Variants in KIF21B observed in about 807,000 individuals in gnomAD.
KIF21B encodes kinesin family member 21B.
Under a neutral mutation model 192.9 loss-of-function variants are expected in KIF21B, and 85 were observed. The ratio of observed to expected loss-of-function variants is 0.44; its 90% CI spans 0.37 to 0.53. KIF21B has a LOEUF of 0.53. Among genes scored for constraint, KIF21B ranks in the 20% least tolerant of loss-of-function variants. KIF21B has a pLI of 0.00. For missense variants in KIF21B, 1,716 were observed against 2,194.8 expected, an observed-to-expected ratio of 0.78 and a Z score of 4.36; for synonymous variants, 832 against 884.6, an observed-to-expected ratio of 0.94 and a Z score of 1.05.
At position 200,996,222 on chromosome 1, in the gene KIF21B, C is replaced by T. The variant is rs762441448; in HGVS notation, c.2251G>A (p.Glu751Lys). The stretch of plus-strand genomic sequence containing the variant: ...TTGGCCTTCTTCATCTCAGCCACCT[C>T]GGCCTGTAGCTTCTTCAGCTCCCTC... ...YERELKKLQA[E>K]VAEMKKAKVA... The change falls in exon 15 of 35, where the codon GAG becomes AAG. Residue 751 changes from glutamate (E) to lysine (K), a missense_variant. Around this residue, in one of 3 missense-constraint regions of KIF21B, gnomAD observed 1,087 missense variants for 1,316.6 expected, o/e 0.83. Coordinates refer to ENST00000461742, the MANE Select transcript of KIF21B (RefSeq NM_001252102.2). 9 of 1,613,502 alleles carry T rather than the reference C, an allele frequency of 5.6e-6. No homozygotes were observed. The highest frequency in any genetic ancestry group is 7.6e-6 in the Non-Finnish European group (9 of 1,180,028).
At chr1:200,974,304 C>G (rs1366878062) in intron 34 of KIF21B, 1 of 1,305,978 alleles carries the variant, frequency 7.7e-7, no homozygotes, top group Admixed American at 2.7e-5. Flanking sequence ...TGAGTCGCAC[C>G]CCATGGGACA....
chr1:200,990,776 C>A lies in KIF21B; in HGVS notation c.2688-53G>T. 1.2e-6 allele frequency: 2 copies of A among 1,604,102 alleles called. No homozygotes were observed. The highest frequency in any genetic ancestry group is 1.7e-6 in the Non-Finnish European group (2 of 1,173,234). On this transcript the variant is annotated intron_variant, in intron 18 of 34. Coordinates refer to ENST00000461742, the MANE Select transcript of KIF21B (RefSeq NM_001252102.2). This position sits in a 1 kb window ranked among gnomAD's most constrained non-coding sequence, Gnocchi z 5.4. ...ATGGGACTCCTTTTAACCTCTGCAG[C>A]TCCACTGAGCCCCCATCTGGAGCTG...
intron 3 of KIF21B, among the ~76,000 whole-genome samples, chr1:201,006,614 G>T (rs998114052): frequency 6.6e-6 from 1 of 152,148 alleles, no homozygotes; most frequent in Non-Finnish European, 1.5e-5. Flanking sequence ...CTGTGTTGGG[G>T]TAGACACACA....
intron 1 of KIF21B, among the ~76,000 whole-genome samples, chr1:201,009,925 C>T (rs1658133647): frequency 6.6e-6 from 1 of 152,198 alleles, no homozygotes; most frequent in Non-Finnish European, 1.5e-5. Context: ...CTGATTGGAC[C>T]AGAAGCCCTA....
At chr1:201,020,927 C>T (rs1432251403) in intron 1 of KIF21B, among the ~76,000 whole-genome samples, 1 of 152,048 alleles carries the variant, frequency 6.6e-6, no homozygotes, top group African/African-American at 2.4e-5. Flanking sequence ...CATGGAAATT[C>T]AGAAGGCACT....
In KIF21B at chr1:201,009,470, C is replaced by T. The variant is rs1167121788; in HGVS notation, c.60G>A (p.Ser20=). Residue 20 remains serine, a synonymous_variant, in exon 2 of 35, where the codon TCG becomes TCA. Coordinates refer to ENST00000461742, the MANE Select transcript of KIF21B (RefSeq NM_001252102.2). The part of the protein sequence containing the change: ...KVAVRIRPQL[S]KEKIEGCHIC... ...TGTGACAGCCCTCAATCTTCTCCTT[C>T]GACAGCTGGGGCCGGATCCTGCCCA... The T allele has an allele frequency of 1.2e-5, 19 of 1,614,000 alleles. No homozygotes were observed. The highest frequency in any genetic ancestry group is 3.3e-5 in the Admixed American group (2 of 60,008).
intron 22 of KIF21B, 38 bp from the exon 23 acceptor site, chr1:200,988,582 G>A (rs765685398): frequency 4.9e-5 from 74 of 1,525,228 alleles, no homozygotes; most frequent in Non-Finnish European, 5.7e-5. Flanking sequence ...GGGTTGAGAA[G>A]CCCTGTCCAA....
Position 200,971,839 on chromosome 1 carries a change from C to G in KIF21B, c.*1682G>C, listed in dbSNP as rs952242960. ...AGGCCTCACTCAGCCTCCACTGGAG[C>G]CTGCCTCCCCCCAACACTGGGCGCC... On this transcript the variant is annotated 3_prime_UTR_variant, in exon 35 of 35. Coordinates refer to ENST00000461742, the MANE Select transcript of KIF21B (RefSeq NM_001252102.2). 1.3e-5 allele frequency: 2 copies of G among 152,454 alleles called. No homozygotes were observed. Among genetic ancestry groups the G allele is most frequent in the African/African-American group, 4.8e-5 (2 of 41,470 alleles). 9.4% of individuals were successfully genotyped at this position (152,454 alleles called of 1,614,324 possible).
At position 200,975,744 on chromosome 1, in the gene KIF21B, G is replaced by C; in HGVS notation, c.4444-75C>G. On this transcript the variant is annotated intron_variant, in intron 32 of 34. Coordinates refer to ENST00000461742, the MANE Select transcript of KIF21B (RefSeq NM_001252102.2). This position sits in a 1 kb window ranked among gnomAD's most constrained non-coding sequence, Gnocchi z 4.3. ...CAGGGCCTACAGCACTGTGGACCCA[G>C]AGGCCTGAAGACCCAGGAGTCTGGC... 1 of 1,420,990 alleles carries C rather than the reference G, an allele frequency of 7.0e-7. No homozygotes were observed. The highest frequency in any genetic ancestry group is 2.2e-5 in the Admixed American group (1 of 44,748). The allele number at this position is 1,420,990 out of a possible 1,614,324, so 88.0% of individuals were successfully genotyped here.
chr1:200,988,707 G>A lies in KIF21B; in HGVS notation c.3298+59C>T, dbSNP rs1571927531. ...GGAAGTGAGGGCCTTGTGGGGGTCT[G>A]AGCCCAAGAGCACTGGAATGCCAAG... is the stretch of plus-strand genomic sequence containing the variant. On this transcript the variant is annotated intron_variant, in intron 22 of 34. Coordinates refer to ENST00000461742, the MANE Select transcript of KIF21B (RefSeq NM_001252102.2). 4 of 1,563,166 alleles carry A rather than the reference G, an allele frequency of 2.6e-6. No individual in the cohort carries two copies. The East Asian group carries it at 6.8e-5, about 26-fold the overall frequency.
At position 200,999,425 on chromosome 1, in the gene KIF21B, T is replaced by G; in HGVS notation, c.1809A>C (p.Glu603Asp). 1 of 1,614,086 alleles carries G rather than the reference T, an allele frequency of 6.2e-7. No individual in the cohort carries two copies. Among genetic ancestry groups the G allele is most frequent in the Non-Finnish European group, 8.5e-7 (1 of 1,179,986 alleles). ...AGTCCTCATCTTCATCCTCGCGCCC[T>G]TCCTCCTCCTCACAGCCACTCTCGT... The part of the protein sequence containing the change: ...ERDESGCEEE[E>D]GREDEDEDSG... The change falls in exon 13 of 35, where the codon GAA (glutamate) becomes GAC (aspartate). Residue 603 changes from glutamate to aspartate, a missense_variant. Glu to Asp is a conservative substitution (Grantham distance 45). Transcript: ENST00000461742. The surrounding 1 kb of genome is among the most constrained non-coding windows in gnomAD (Gnocchi z 4.7).
At chr1:200,991,272 G>T in intron 17 of KIF21B, 123 bp from the exon 18 acceptor site, 1 of 767,532 alleles carries the variant, frequency 1.3e-6, no homozygotes, top group Non-Finnish European at 2.1e-6. Flanking sequence ...GCCTGGGCTT[G>T]GGCTGCAAAA....
At chr1:200,994,800 T>C (rs556366689) in intron 15 of KIF21B, among the ~76,000 whole-genome samples, 1 of 152,296 alleles carries the variant, frequency 6.6e-6, no homozygotes, top group Middle Eastern at 3.4e-3. Context: ...TGCAGGCCCC[T>C]GTTGGGAGTG....
At position 200,971,832 on chromosome 1, in the gene KIF21B, A is replaced by G. The variant is rs1408065712; in HGVS notation, c.*1689T>C. 6.6e-6 allele frequency: 1 copy of G among 152,410 alleles called. No homozygotes were observed. Among genetic ancestry groups the G allele is most frequent in the Non-Finnish European group, 1.5e-5 (1 of 68,204 alleles). The allele number at this position is 152,410 out of a possible 1,614,324, so 9.4% of individuals were successfully genotyped here. ...AGGGACCAGGCCTCACTCAGCCTCC[A>G]CTGGAGCCTGCCTCCCCCCAACACT... On this transcript the variant is annotated 3_prime_UTR_variant, in exon 35 of 35. Transcript: ENST00000461742.
In KIF21B at chr1:200,996,412, G is replaced by A. The variant is rs768403480; in HGVS notation, c.2078-17C>T. On this transcript the variant is annotated splice_polypyrimidine_tract_variant and intron_variant, in intron 14 of 34. Coordinates refer to ENST00000461742, the MANE Select transcript of KIF21B (RefSeq NM_001252102.2). ...CCATGGTGCCTGAGAGCAAGGAGAC[G>A]CAGCTGTCGGTGCTGGGTCCCTAAG... 13 of 1,610,190 alleles carry A rather than the reference G, an allele frequency of 8.1e-6. No individual in the cohort carries two copies. The highest frequency in any genetic ancestry group is 1.7e-4 in the Middle Eastern group (1 of 6,040).
intron 15 of KIF21B, among the ~76,000 whole-genome samples, chr1:200,992,685 G>C (rs1013574195): frequency 8.5e-5 from 13 of 152,212 alleles, no homozygotes; most frequent in African/African-American, 3.1e-4. Flanking sequence ...ACAGCCCCTG[G>C]TGGCCCTCAC....
intron 1 of KIF21B, among the ~76,000 whole-genome samples, chr1:201,018,583 C>T (rs180846031): frequency 3.3e-5 from 5 of 152,306 alleles, no homozygotes; most frequent in Middle Eastern, 3.4e-3. Flanking sequence ...TAATTAGCAC[C>T]TCAATTAGGA....
chr1:200,974,971 C>A, intron 33 of KIF21B, 58 bp from the exon 34 acceptor site: 1 of 1,547,170 alleles, frequency 6.5e-7, no homozygotes, highest in Non-Finnish European at 8.8e-7. Flanking sequence ...GAGAACCTGC[C>A]CCAGGGCCCC....
chr1:200,975,795 G>GAA lies in KIF21B; in HGVS notation c.4444-127_4444-126insTT. 1.1e-6 allele frequency: 1 copy of GAA among 920,698 alleles called. No homozygotes were observed. Among genetic ancestry groups the GAA allele is most frequent in the Non-Finnish European group, 1.6e-6 (1 of 635,142 alleles). The allele number at this position is 920,698 out of a possible 1,614,324, so 57.0% of individuals were successfully genotyped here. A position where few individuals can be genotyped will look rare whatever the true frequency, so the allele number is the denominator to read the frequency against. On this transcript the variant is annotated intron_variant, in intron 32 of 34. Coordinates refer to ENST00000461742, the MANE Select transcript of KIF21B (RefSeq NM_001252102.2). This position sits in a 1 kb window ranked among gnomAD's most constrained non-coding sequence, Gnocchi z 4.3. ...TAGGGTGACAGCCACTGCCCTCTGG[G>GAA]GAGAGGAGCTTCCCAGCAGGCGAGG...
Sources: gnomAD v4.1 joint callset for allele counts (sites outside exome capture counted in the v4.1 genomes callset) on GRCh38, gnomAD v4.1.1 for gene constraint, gnomAD v4.1.1 regional missense constraint, Gnocchi (gnomAD v3.1) non-coding constraint, MANE v1.5 for transcripts, NCBI Gene and HGNC (gene_info 2026-07-23, HGNC 2026-07-21) for gene names.